The following TRAPPC9 variants were observed in gnomAD, a reference collection of about 807,000 sequenced individuals.
The protein encoded by TRAPPC9 is IKK2 binding protein.
A neutral mutation model predicts 124.0 loss-of-function variants in TRAPPC9; 83 were observed. That is an observed-to-expected ratio of 0.67 (90% CI 0.56 to 0.80). TRAPPC9 has a LOEUF of 0.80. Among genes scored for constraint, TRAPPC9 ranks in the 30% least tolerant of loss-of-function variants. The probability of loss-of-function intolerance (pLI) is 0.00; values close to 1 mark genes in which losing one functional copy is unlikely to be tolerated. For missense variants in TRAPPC9, 1,302 were observed against 1,508.3 expected, an observed-to-expected ratio of 0.86 and a Z score of 2.27; for synonymous variants, 638 against 617.5, an observed-to-expected ratio of 1.03 and a Z score of -0.49.
rs571318978 is a variant in TRAPPC9 at position 139,762,548 on chromosome 8, C to T, written c.3056-30346G>A. On this transcript the variant is annotated intron_variant, in intron 21 of 22. Transcript: ENST00000438773. ...CTGAACGCTGTAGACAACGGCAACA[C>T]AATGGTAAGTATTTGTGTATTACCC... is the stretch of plus-strand genomic sequence containing the variant. 1.1e-3 allele frequency among the ~76,000 whole-genome samples: 174 copies of T among 152,226 alleles called. 3 individuals carry two copies. In the South Asian group the frequency reaches 0.034, roughly 30 times the overall value.
intron 17 of TRAPPC9, among the ~76,000 whole-genome samples, chr8:140,081,796 C>T (rs1843836964): frequency 1.3e-5 from 2 of 152,228 alleles, no homozygotes; most frequent in African/African-American, 4.8e-5. Flanking sequence ...ATCTGCTATT[C>T]TCTCAAGACA....
intron 9 of TRAPPC9, among the ~76,000 whole-genome samples, chr8:140,323,579 T>C (rs1314456876): frequency 7.9e-5 from 12 of 152,176 alleles, no homozygotes; most frequent in Non-Finnish European, 1.3e-4. Flanking sequence ...GAAAACTGAC[T>C]GACTGGTTAT....
At position 140,283,940 on chromosome 8, in the gene TRAPPC9, A is replaced by G; in HGVS notation, c.2063T>C (p.Val688Ala). Residue 688 changes from valine (V) to alanine (A), a missense_variant, in exon 14 of 23, where the codon GTG (valine) becomes GCG (alanine). Val to Ala is a moderately conservative substitution (Grantham distance 64). Around this residue, in one of 3 missense-constraint regions of TRAPPC9, gnomAD observed 640 missense variants for 679.3 expected, o/e 0.94. Coordinates refer to ENST00000438773, the MANE Select transcript of TRAPPC9 (RefSeq NM_001160372.4). ...TCTTGGCAACGCGGGAATGACTTCCACTGTGGAGCCACTGGTTTTTATTCC... is the reference window on the plus strand; with the variant it reads ...TCTTGGCAACGCGGGAATGACTTCCGCTGTGGAGCCACTGGTTTTTATTCC... ...LPGIKTSGST[V>A]EVIPALPRLQ... 1.2e-6 allele frequency: 2 copies of G among 1,614,116 alleles called. No homozygotes were observed. The highest frequency in any genetic ancestry group is 1.7e-6 in the Non-Finnish European group (2 of 1,180,030).
chr8:140,385,313 T>G (rs1444042598), intron 7 of TRAPPC9, among the ~76,000 whole-genome samples: 1 of 151,986 alleles, frequency 6.6e-6, no homozygotes, highest in Non-Finnish European at 1.5e-5. Context: ...AAGAAATAAC[T>G]AAGATCAGAG....
rs537735208 is a variant in TRAPPC9, at chr8:140,353,049, G to A, written c.1495+7001C>T. Among the ~76,000 whole-genome samples the A allele has an allele frequency of 2.6e-5, 4 of 152,154 alleles. No homozygotes were observed. Among genetic ancestry groups the A allele is most frequent in the Non-Finnish European group, 5.9e-5 (4 of 68,034 alleles). On this transcript the variant is annotated intron_variant, in intron 9 of 22. Transcript: ENST00000438773. This position sits in a 1 kb window ranked among gnomAD's most constrained non-coding sequence, Gnocchi z 4.2. ...AGGTAGACGCAAAAACCAAGACACA[G>A]ATAGGGTTTTCGAGAAAACACCATC... is the stretch of plus-strand genomic sequence containing the variant.
At position 140,266,580 on chromosome 8, in the gene TRAPPC9, C is replaced by T. The variant is rs1013283916; in HGVS notation, c.2278+9078G>A. Among the ~76,000 whole-genome samples, 25 of 151,620 alleles carry T rather than the reference C, an allele frequency of 1.6e-4. 1 individual carries two copies. The highest frequency in any genetic ancestry group is 2.7e-4 in the Non-Finnish European group (18 of 67,896). On this transcript the variant is annotated intron_variant, in intron 15 of 22. Transcript: ENST00000438773. ...TGGGTTATAAACTCATCTCTGTGGCCGGGTGCAGTGGCTCATGCCTGTAAT... is the reference window on the plus strand; with the variant it reads ...TGGGTTATAAACTCATCTCTGTGGCTGGGTGCAGTGGCTCATGCCTGTAAT...
intron 17 of TRAPPC9, among the ~76,000 whole-genome samples, chr8:140,183,881 AAGAAGAAG>A (rs2062268513): frequency 1.3e-5 from 1 of 74,194 alleles, no homozygotes; most frequent in African/African-American, 7.1e-5. Context: ...GAAGAAGAAG[AAGAAGAAG>A]AGGAGAGGAG....
chr8:139,960,569 G>A (rs561858276), intron 19 of TRAPPC9, among the ~76,000 whole-genome samples: 15 of 152,262 alleles, frequency 9.9e-5, no homozygotes, highest in African/African-American at 2.9e-4. Flanking sequence ...AGGCCACACC[G>A]CCCCACGGCT....
chr8:139,831,949 G>A (rs1167671739), intron 21 of TRAPPC9, among the ~76,000 whole-genome samples: 1 of 152,198 alleles, frequency 6.6e-6, no homozygotes, highest in Non-Finnish European at 1.5e-5. Context: ...ACGTTTCAGA[G>A]TGCCTATTAC....
intron 17 of TRAPPC9, among the ~76,000 whole-genome samples, chr8:140,062,378 T>TTA (rs1230417682): frequency 6.6e-6 from 1 of 152,204 alleles, no homozygotes; most frequent in Non-Finnish European, 1.5e-5. Context: ...GTAGGACGTG[T>TTA]GTAACCTGGC....
At chr8:140,437,312 T>A (rs1006969555) in intron 3 of TRAPPC9, among the ~76,000 whole-genome samples, 14 of 151,086 alleles carry the variant, frequency 9.3e-5, no homozygotes, top group African/African-American at 3.4e-4. Context: ...TGAGCCACCA[T>A]GCCTGGCCGT....
chr8:140,396,090 C>T (rs899073427), intron 7 of TRAPPC9, among the ~76,000 whole-genome samples: 1 of 151,922 alleles, frequency 6.6e-6, no homozygotes, highest in African/African-American at 2.4e-5. Flanking sequence ...CCTCTCCCTC[C>T]ACTCCATACA....
chr8:139,777,705 G>A (rs532658374), intron 21 of TRAPPC9, among the ~76,000 whole-genome samples: 29 of 152,316 alleles, frequency 1.9e-4, no homozygotes, highest in Admixed American at 1.7e-3. Flanking sequence ...CCCTCCGCCT[G>A]GAACAAACAA....
At chr8:139,935,628 G>A (rs1252161743) in intron 19 of TRAPPC9, among the ~76,000 whole-genome samples, 1 of 147,950 alleles carries the variant, frequency 6.8e-6, no homozygotes, top group Non-Finnish European at 1.5e-5. Context: ...GCATTTTTGT[G>A]AAAAGCATCT....
chr8:139,827,060 C>A (rs1825688405), intron 21 of TRAPPC9, among the ~76,000 whole-genome samples: 1 of 152,232 alleles, frequency 6.6e-6, no homozygotes, highest in African/African-American at 2.4e-5. Context: ...CAGAACATAG[C>A]CATCAGGTGG....
At chr8:140,397,390 C>T (rs1252825749) in intron 7 of TRAPPC9, among the ~76,000 whole-genome samples, 1 of 151,194 alleles carries the variant, frequency 6.6e-6, no homozygotes, top group Non-Finnish European at 1.5e-5. Flanking sequence ...CTCCAAAAAA[C>T]AAACAAAAAA....
chr8:140,376,406 A>C (rs1392715049), intron 7 of TRAPPC9, among the ~76,000 whole-genome samples: 1 of 151,822 alleles, frequency 6.6e-6, no homozygotes, highest in Non-Finnish European at 1.5e-5. Context: ...AATACAAAAA[A>C]TTAGCCAGGC....
chr8:140,191,126 G>A (rs1241758435), intron 17 of TRAPPC9, among the ~76,000 whole-genome samples: 1 of 152,212 alleles, frequency 6.6e-6, no homozygotes. Context: ...CTCAGGCTTT[G>A]ATCACTAAGA....
chr8:139,731,982 G>A lies in TRAPPC9; in HGVS notation c.3276C>T (p.Asp1092=), dbSNP rs766246370. Residue 1092 remains aspartate (D), a synonymous_variant, in exon 22 of 23, where the codon GAC becomes GAT. Coordinates refer to ENST00000438773, the MANE Select transcript of TRAPPC9 (RefSeq NM_001160372.4). ...SFVGSSTFYL[D]AVQPSGQSAC... The stretch of plus-strand genomic sequence containing the variant: ...CGCCTTGCACACCACCACGCACCGC[G>A]TCGAGGTAGAAGGTGCTGGAGCCCA... 32 of 1,577,584 alleles carry A rather than the reference G, an allele frequency of 2.0e-5. No homozygotes were observed. The highest frequency in any genetic ancestry group is 1.7e-4 in the Middle Eastern group (1 of 6,020).
Sources: allele counts gnomAD v4.1 joint callset (sites outside exome capture counted in the v4.1 genomes callset), GRCh38; gene constraint gnomAD v4.1.1; regional missense constraint gnomAD v4.1.1; non-coding constraint Gnocchi (gnomAD v3.1); transcripts MANE v1.5; gene names NCBI Gene and HGNC (gene_info 2026-07-23, HGNC 2026-07-21).